The following CAP2 variants were observed in gnomAD, a reference collection of about 807,000 sequenced individuals.
CAP2 encodes the protein adenylyl cyclase-associated protein 2.
CAP2 carries 24 observed loss-of-function variants against 57.7 expected under a neutral mutation model. The observed-to-expected ratio is 0.42, with a 90% CI of 0.30 to 0.58. The LOEUF is 0.58. Among genes scored for constraint, CAP2 ranks in the 20% least tolerant of loss-of-function variants. CAP2 has a pLI of 0.22. For missense variants in CAP2, 501 were observed against 590.3 expected (o/e 0.85, Z 1.57); for synonymous variants, 194 against 207.2 (o/e 0.94, Z 0.55).
At chr6:17,531,452 T>C (rs1199321350) in intron 7 of CAP2, 1 of 1,529,688 alleles carries the variant, frequency 6.5e-7, no homozygotes, top group African/African-American at 1.4e-5. Flanking sequence ...TCTGTACATC[T>C]GCCTATATTC....
intron 3 of CAP2, among the ~76,000 whole-genome samples, chr6:17,437,281 G>A (rs1354723543): frequency 6.6e-6 from 1 of 152,098 alleles, no homozygotes; most frequent in Admixed American, 6.6e-5. Context: ...GGTTGGCCTG[G>A]AGCACAGAGC....
chr6:17,507,385 C>T, intron 5 of CAP2, 73 bp downstream of exon 5: 1 of 1,480,560 alleles, frequency 6.8e-7, no homozygotes. Context: ...AGTAGCTTAG[C>T]TACCTTCACG....
chr6:17,418,448 C>T (rs191207460), intron 1 of CAP2, among the ~76,000 whole-genome samples: 21 of 152,280 alleles, frequency 1.4e-4, no homozygotes, highest in African/African-American at 5.1e-4. Flanking sequence ...ATCTGTCCAG[C>T]CCTGCAGTTT....
intron 7 of CAP2, among the ~76,000 whole-genome samples, chr6:17,528,068 T>G (rs958113085): frequency 2.6e-5 from 4 of 152,224 alleles, no homozygotes; most frequent in Non-Finnish European, 4.4e-5. Context: ...CATTCTGTTT[T>G]TGACTTCAGT....
intron 3 of CAP2, among the ~76,000 whole-genome samples, chr6:17,455,639 T>G (rs1455277382): frequency 6.6e-6 from 1 of 151,934 alleles, no homozygotes; most frequent in Non-Finnish European, 1.5e-5. Context: ...GGGTTCATGC[T>G]GTTCTCCTGC....
At chr6:17,414,098 G>C (rs892524947) in intron 1 of CAP2, among the ~76,000 whole-genome samples, 2 of 151,392 alleles carry the variant, frequency 1.3e-5, no homozygotes, top group African/African-American at 4.9e-5. Context: ...AGTCTGATTT[G>C]ATGGTAGTTT....
intron 1 of CAP2, among the ~76,000 whole-genome samples, chr6:17,403,984 G>C (rs532420157): frequency 1.3e-5 from 2 of 152,294 alleles, no homozygotes; most frequent in South Asian, 4.1e-4. Context: ...AATTCTTTTA[G>C]GGTATATACA....
chr6:17,544,268 A>AGTACT (rs1310812567), intron 11 of CAP2, among the ~76,000 whole-genome samples: 2 of 152,196 alleles, frequency 1.3e-5, no homozygotes, highest in East Asian at 3.8e-4. Flanking sequence ...CATAAATAAA[A>AGTACT]GTACTGTGAG....
At chr6:17,465,545 A>G (rs1194569075) in intron 4 of CAP2, among the ~76,000 whole-genome samples, 1 of 152,114 alleles carries the variant, frequency 6.6e-6, no homozygotes, top group Non-Finnish European at 1.5e-5. Flanking sequence ...CTCTTTATTC[A>G]GAACACCGTC....
At chr6:17,407,778 C>CAAAAAAAAAAAAAAAAA (rs60480016) in intron 1 of CAP2, among the ~76,000 whole-genome samples, 1 of 69,354 alleles carries the variant, frequency 1.4e-5, no homozygotes, top group Non-Finnish European at 2.8e-5. Flanking sequence ...GACTCGGTCT[C>CAAAAAAAAAAAAAAAAA]AAAAAAAAAA....
At chr6:17,525,710 T>A (rs1762486544) in intron 7 of CAP2, among the ~76,000 whole-genome samples, 1 of 152,148 alleles carries the variant, frequency 6.6e-6, no homozygotes, top group Non-Finnish European at 1.5e-5. Flanking sequence ...TGGAATTCCC[T>A]CCTAAGAGAG....
Position 17,542,893 on chromosome 6 carries a change from G to A in CAP2, c.1059G>A (p.Val353=). The A allele has an allele frequency of 6.2e-7, 1 of 1,612,906 alleles. No homozygotes were observed. The change falls in exon 10 of 13, where the codon GTG becomes GTA. Residue 353 remains valine, a synonymous_variant. Coordinates refer to ENST00000229922, the MANE Select transcript of CAP2 (RefSeq NM_006366.3). ...LVISETELKQ[V]AYIFKCEKST... ...TTTCAGAGACTGAGCTGAAACAAGT[G>A]GCTTACATTTTCAAATGCGAAAAAT...
At chr6:17,503,077 G>A (rs1267351517) in intron 4 of CAP2, among the ~76,000 whole-genome samples, 1 of 152,176 alleles carries the variant, frequency 6.6e-6, no homozygotes, top group South Asian at 2.1e-4. Context: ...GTGTTTAGAG[G>A]GGTTTTTGTT....
At chr6:17,526,120 C>CTT (rs1372740605) in intron 7 of CAP2, among the ~76,000 whole-genome samples, 2 of 142,306 alleles carry the variant, frequency 1.4e-5, no homozygotes, top group Admixed American at 7.1e-5. Flanking sequence ...GAAAATGTGT[C>CTT]TTTTTTTTTT....
At chr6:17,507,528 C>T in intron 5 of CAP2, 113 bp from the exon 6 acceptor site, 1 of 800,020 alleles carries the variant, frequency 1.2e-6, no homozygotes, top group Non-Finnish European at 2.1e-6. Context: ...CAACATGTGC[C>T]TCCCACTTTC....
intron 3 of CAP2, among the ~76,000 whole-genome samples, chr6:17,452,233 T>C (rs1760424686): frequency 6.6e-6 from 1 of 152,236 alleles, no homozygotes; most frequent in Admixed American, 6.5e-5. Flanking sequence ...TGTCTCACCA[T>C]GGCAATTTCA....
At chr6:17,456,354 A>G (rs1760571731) in intron 3 of CAP2, among the ~76,000 whole-genome samples, 1 of 152,222 alleles carries the variant, frequency 6.6e-6, no homozygotes. Context: ...CATGTTTACA[A>G]AATCAAGCAT....
chr6:17,436,024 T>A (rs1045293784), intron 3 of CAP2, among the ~76,000 whole-genome samples: 2 of 152,204 alleles, frequency 1.3e-5, no homozygotes, highest in Non-Finnish European at 1.5e-5. Flanking sequence ...TCTCTAAGGT[T>A]AAGATGACTA....
chr6:17,410,601 GA>G (rs1317895649), intron 1 of CAP2, among the ~76,000 whole-genome samples: 184 of 151,000 alleles, frequency 1.2e-3, no homozygotes, highest in African/African-American at 4.2e-3. Flanking sequence ...ACGGAGTCCA[GA>G]GCTGGAGTGC....
Sources: gnomAD v4.1 joint callset for allele counts (sites outside exome capture counted in the v4.1 genomes callset) on GRCh38, gnomAD v4.1.1 for gene constraint, MANE v1.5 for transcripts, NCBI Gene and HGNC (gene_info 2026-07-23, HGNC 2026-07-21) for gene names.